The following VGLL4 variants were observed in gnomAD, a reference collection of about 807,000 sequenced individuals.
The protein encoded by VGLL4 is transcription cofactor vestigial-like protein 4.
Under a neutral mutation model 21.0 loss-of-function variants are expected in VGLL4, and 7 were observed. That is an observed-to-expected ratio of 0.33 (90% CI 0.19 to 0.63). VGLL4 has a LOEUF of 0.63. Among genes scored for constraint, VGLL4 ranks in the 20% least tolerant of loss-of-function variants. The pLI is 0.78. For missense variants in VGLL4, 394 were observed against 425.7 expected (o/e 0.93, Z 0.66); for synonymous variants, 222 against 173.2 (o/e 1.28, Z -2.21).
intron 2 of VGLL4, among the ~76,000 whole-genome samples, chr3:11,691,679 C>T (rs113238275): frequency 4.6e-5 from 7 of 152,268 alleles, no homozygotes; most frequent in Middle Eastern, 3.4e-3. Flanking sequence ...GGCACCAGCC[C>T]GCCCCACCCC....
chr3:11,671,461 T>C lies in VGLL4; in HGVS notation c.64+31510A>G, dbSNP rs1320645155. ...TTGTCCCTCAGTATTCGCCGGGGAT[T>C]GGTCCCAGGACCCCCAGGTGTACAA... On this transcript the variant is annotated intron_variant, in intron 2 of 5. Coordinates refer to the VGLL4 transcript ENST00000273038. 6 of 715,740 alleles carry C rather than the reference T, an allele frequency of 8.4e-6. No homozygotes were observed. The Admixed American group carries it at 1.2e-4, about 14-fold the overall frequency. The allele number at this position is 715,740 out of a possible 1,614,324, so 44.3% of individuals were successfully genotyped here. A position where few individuals can be genotyped will look rare whatever the true frequency, so the allele number is the denominator to read the frequency against.
chr3:11,633,924 G>A lies in VGLL4; in HGVS notation c.82+9513C>T, dbSNP rs573516730. 3.3e-5 allele frequency among the ~76,000 whole-genome samples: 5 copies of A among 152,300 alleles called. No homozygotes were observed. The South Asian group carries it at 1.0e-3, about 32-fold the overall frequency. ...TAATATTACAGATGTAAACCTAGAAGAAGATGAGATTAGAGGCAGGGAGCA... is the reference window on the plus strand; with the variant it reads ...TAATATTACAGATGTAAACCTAGAAAAAGATGAGATTAGAGGCAGGGAGCA... On this transcript the variant is annotated intron_variant, in intron 1 of 4. Transcript: ENST00000430365.
At chr3:11,659,577 C>T (rs866942350) in intron 2 of VGLL4, among the ~76,000 whole-genome samples, 12 of 151,742 alleles carry the variant, frequency 7.9e-5, no homozygotes, top group African/African-American at 2.7e-4. Flanking sequence ...GGGTGATCCC[C>T]CCCGGCTCGG....
intron 2 of VGLL4, among the ~76,000 whole-genome samples, chr3:11,665,214 C>T (rs1457263783): frequency 3.4e-5 from 5 of 147,004 alleles, no homozygotes; most frequent in Admixed American, 2.8e-4. Flanking sequence ...CCTGGGTTCA[C>T]GCCATTCTCC....
At chr3:11,620,263 G>A (rs1187111280) in intron 1 of VGLL4, among the ~76,000 whole-genome samples, 1 of 152,178 alleles carries the variant, frequency 6.6e-6, no homozygotes, top group Non-Finnish European at 1.5e-5. Context: ...CAAAGGTCTG[G>A]CCCCAGGGAC....
At chr3:11,689,989 G>A (rs1490981821) in intron 2 of VGLL4, among the ~76,000 whole-genome samples, 8 of 152,066 alleles carry the variant, frequency 5.3e-5, no homozygotes, top group Non-Finnish European at 1.2e-4. Flanking sequence ...CACTCTGCTC[G>A]GCTTCTCTCT....
At chr3:11,711,407 A>C (rs1172482856) in intron 1 of VGLL4, among the ~76,000 whole-genome samples, 1 of 152,044 alleles carries the variant, frequency 6.6e-6, no homozygotes. Flanking sequence ...GACTAAAAGT[A>C]CAAAAAATTA....
Position 11,558,623 on chromosome 3 carries a change from C to T in VGLL4, c.824G>A (p.Arg275Lys). The T allele has an allele frequency of 1.2e-6, 2 of 1,608,668 alleles. No individual in the cohort carries two copies. Among genetic ancestry groups the T allele is most frequent in the Non-Finnish European group, 1.7e-6 (2 of 1,179,994 alleles). ...ASSSPESASR[R>K]GQPASPSAHM... The stretch of plus-strand genomic sequence containing the variant: ...GGCAGAGGGGCTGGCGGGCTGGCCC[C>T]TGCGAGAGGCGGACTCAGGGCTGCT... The change falls in exon 5 of 5, where the codon AGG becomes AAG. Residue 275 changes from arginine (R) to lysine (K), a missense_variant. By Grantham distance (26) the Arg-to-Lys change is conservative (BLOSUM62 2). Transcript: ENST00000430365.
rs1008773145 is a variant in VGLL4 at position 11,564,997 on chromosome 3, A to T, written c.295T>A (p.Cys99Ser). Residue 99 changes from cysteine to serine, a missense_variant, in exon 3 of 5, where the codon TGC (cysteine) becomes AGC (serine). Coordinates refer to ENST00000430365, the MANE Select transcript of VGLL4 (RefSeq NM_001128219.3). ...PHLNKTANGDCRRDPRERSRS... is the reference protein window; with the variant it reads ...PHLNKTANGDSRRDPRERSRS... ...CTCCGCTCCCGGGGGTCTCTGCGGC[A>T]GTCTCCATTGGCAGTCTTGTTCCTG... 1 of 1,510,832 alleles carries T rather than the reference A, an allele frequency of 6.6e-7. No individual in the cohort carries two copies. The highest frequency in any genetic ancestry group is 2.4e-5 in the East Asian group (1 of 40,842). 93.6% of individuals were successfully genotyped at this position (1,510,832 alleles called of 1,614,324 possible).
intron 2 of VGLL4, among the ~76,000 whole-genome samples, chr3:11,683,798 A>C (rs1214306487): frequency 1.3e-5 from 2 of 151,720 alleles, no homozygotes; most frequent in Non-Finnish European, 2.9e-5. Flanking sequence ...AAACCAAAAA[A>C]CTCAACCTTG....
At chr3:11,567,848 C>T (rs2073607270) in intron 2 of VGLL4, among the ~76,000 whole-genome samples, 1 of 152,202 alleles carries the variant, frequency 6.6e-6, no homozygotes, top group Non-Finnish European at 1.5e-5. Flanking sequence ...TTATTGTTAA[C>T]AACATGAGTG....
upstream of VGLL4, among the ~76,000 whole-genome samples, chr3:11,645,366 G>A (rs529255983): frequency 3.4e-4 from 52 of 150,800 alleles, no homozygotes; most frequent in African/African-American, 9.7e-4. Flanking sequence ...CGAGGCGGGT[G>A]GATCATGAGG....
intron 1 of VGLL4, among the ~76,000 whole-genome samples, chr3:11,619,500 TGTGTA>T (rs2075224624): frequency 6.6e-6 from 1 of 152,042 alleles, no homozygotes; most frequent in Non-Finnish European, 1.5e-5. Context: ...TGCCCTAGGG[TGTGTA>T]ATGCAATGAA....
At chr3:11,627,626 T>C (rs1372119853) in intron 1 of VGLL4, among the ~76,000 whole-genome samples, 1 of 150,726 alleles carries the variant, frequency 6.6e-6, no homozygotes, top group Admixed American at 6.6e-5. Flanking sequence ...AAATCAATGT[T>C]CTGAGAATAA....
chr3:11,656,180 A>G (rs1443524085), intron 2 of VGLL4, among the ~76,000 whole-genome samples: 3 of 152,208 alleles, frequency 2.0e-5, no homozygotes, highest in African/African-American at 7.2e-5. Flanking sequence ...GGGGAGAATA[A>G]TGAGAACAGG....
intron 1 of VGLL4, chr3:11,612,642 G>T (rs1293035713): frequency 6.6e-6 from 1 of 152,196 alleles, no homozygotes; most frequent in Non-Finnish European, 1.5e-5. Context: ...TAGCCTCAGA[G>T]GCCTCTGAGT....
intron 2 of VGLL4, among the ~76,000 whole-genome samples, chr3:11,673,692 G>GA (rs1401614866): frequency 6.6e-6 from 1 of 151,986 alleles, no homozygotes; most frequent in Non-Finnish European, 1.5e-5. Context: ...TTTCCAGAGA[G>GA]AAAAAACTGG....
At chr3:11,636,986 T>C (rs1470538181) in intron 1 of VGLL4, among the ~76,000 whole-genome samples, 1 of 151,640 alleles carries the variant, frequency 6.6e-6, no homozygotes. Context: ...TCTCAGGATG[T>C]GTGCACTACT....
exon 1 of VGLL4, chr3:11,720,548 A>T (rs1301578469): frequency 6.6e-6 from 1 of 152,096 alleles, no homozygotes; most frequent in East Asian, 1.9e-4. Context: ...GCACACGCGC[A>T]CACGCACACG....
Sources: allele counts gnomAD v4.1 joint callset (sites outside exome capture counted in the v4.1 genomes callset), GRCh38; gene constraint gnomAD v4.1.1; transcripts MANE v1.5; gene names NCBI Gene and HGNC (gene_info 2026-07-23, HGNC 2026-07-21).